Variants in GPAT3 observed in about 807,000 individuals in gnomAD.
The protein encoded by GPAT3 is 1-AGP acyltransferase 9.
In GPAT3, 53 loss-of-function variants were observed where a neutral mutation model predicts 58.8. The observed-to-expected ratio is 0.90, with a 90% CI of 0.72 to 1.13. GPAT3 has a LOEUF of 1.13. Ranked by LOEUF, GPAT3 falls within the 50% of genes most tolerant of loss-of-function variation. The probability of loss-of-function intolerance (pLI) is 0.00; values close to 1 mark genes in which losing one functional copy is unlikely to be tolerated. For synonymous variants in GPAT3, 197 were observed against 187.4 expected (o/e 1.05, Z -0.42); for missense variants, 511 against 527.6 (o/e 0.97, Z 0.31).
intron 2 of GPAT3, among the ~76,000 whole-genome samples, chr4:83,575,264 A>G (rs1403514039): frequency 6.6e-6 from 1 of 152,102 alleles, no homozygotes; most frequent in Non-Finnish European, 1.5e-5. Context: ...AGTGTTCCCT[A>G]TATGTTGATT....
chr4:83,570,172 G>A (rs752134840), intron 2 of GPAT3, among the ~76,000 whole-genome samples: 11 of 152,194 alleles, frequency 7.2e-5, no homozygotes, highest in Non-Finnish European at 1.3e-4. Flanking sequence ...TGGAGTCACC[G>A]ACTTGGTTGC....
intron 4 of GPAT3, 96 bp downstream of exon 4, chr4:83,587,425 T>C: frequency 1.1e-6 from 1 of 948,474 alleles, no homozygotes; most frequent in South Asian, 1.7e-5. Context: ...ATGTATTGCA[T>C]TATTATTATT....
At position 83,581,656 on chromosome 4, in the gene GPAT3, G is replaced by GA. The variant is rs1726134043; in HGVS notation, c.305dup (p.Leu104IlefsTer8). The GA allele has an allele frequency of 6.2e-7, 1 of 1,614,052 alleles. No homozygotes were observed. The highest frequency in any genetic ancestry group is 1.3e-5 in the African/African-American group (1 of 74,920). On this transcript the variant is annotated frameshift_variant, in exon 3 of 12. Coordinates refer to ENST00000264409, the MANE Select transcript of GPAT3 (RefSeq NM_032717.5). LOFTEE classifies it high-confidence loss of function. Reference sequence around the variant, plus strand: ...TGTCTGACGTGTTTTATTTCTCCAAGAAGGGATTGGAAGCCATTGTAGAAG... The same window carrying GA: ...TGTCTGACGTGTTTTATTTCTCCAAGAAAGGGATTGGAAGCCATTGTAGAAG...
intron 2 of GPAT3, among the ~76,000 whole-genome samples, chr4:83,563,359 T>G (rs1725251072): frequency 6.6e-6 from 1 of 152,216 alleles, no homozygotes; most frequent in African/African-American, 2.4e-5. Context: ...CCACTCCTGT[T>G]ACTGACTACC....
intron 2 of GPAT3, among the ~76,000 whole-genome samples, chr4:83,562,187 A>ATATTATACATATAATATATATATAT (rs1553944845): frequency 1.1e-4 from 6 of 52,902 alleles, no homozygotes; most frequent in African/African-American, 6.6e-4. Context: ...TATTATATAT[A>ATATTATACATATAATATATATATAT]TATATATATA....
At position 83,579,034 on chromosome 4, in the gene GPAT3, CTTTCTTTCTTTCTTT is replaced by C. The variant is rs1560620968; in HGVS notation, c.209-2527_209-2513del. ...CTTCTTTCCCTTTCTTTCTTTCTTTCTTTCTTTCTTTCTTTCTTTCTTTCTTTCTTTCTTTCTTTC... is the reference window on the plus strand; with the variant it reads ...CTTCTTTCCCTTTCTTTCTTTCTTTCCTTTCTTTCTTTCTTTCTTTCTTTC... On this transcript the variant is annotated intron_variant, in intron 2 of 11. Coordinates refer to ENST00000264409, the MANE Select transcript of GPAT3 (RefSeq NM_032717.5). Among the ~76,000 whole-genome samples the C allele has an allele frequency of 5.9e-3, 148 of 25,262 alleles. 14 individuals carry two copies. The highest frequency in any genetic ancestry group is 0.024 in the African/African-American group (140 of 5,718). 16.6% of individuals were successfully genotyped at this position (25,262 alleles called of 152,430 possible). A position where few individuals can be genotyped will look rare whatever the true frequency, so the allele number is the denominator to read the frequency against.
At chr4:83,536,803 C>G in intron 1 of GPAT3, 40 bp downstream of exon 1, 1 of 1,563,198 alleles carries the variant, frequency 6.4e-7, no homozygotes, top group South Asian at 1.2e-5. Context: ...CACACCGCTG[C>G]GGGCTGAGAA....
intron 3 of GPAT3, among the ~76,000 whole-genome samples, chr4:83,585,759 G>A (rs1726352778): frequency 6.6e-6 from 1 of 151,924 alleles, no homozygotes; most frequent in South Asian, 2.1e-4. Context: ...CCTAATTTTT[G>A]TATTTTTAAT....
intron 11 of GPAT3, among the ~76,000 whole-genome samples, chr4:83,601,624 G>A (rs140059945): frequency 0.015 from 2,313 of 152,252 alleles, 53 homozygotes; most frequent in African/African-American, 0.052. Flanking sequence ...GCGCCATGGC[G>A]CACACCTGTA....
At chr4:83,550,801 A>G (rs1019706992) in intron 2 of GPAT3, among the ~76,000 whole-genome samples, 7 of 152,186 alleles carry the variant, frequency 4.6e-5, no homozygotes, top group Non-Finnish European at 1.0e-4. Context: ...TGGAAATATG[A>G]AAGTTTTTTG....
chr4:83,536,219 C>T lies in GPAT3; in HGVS notation c.-404C>T. On this transcript the variant is annotated 5_prime_UTR_variant, in exon 1 of 12. Transcript: ENST00000264409. ...GGGGAGGGCCTCCGTGAGTCATCTG[C>T]TGAGTTGTCGCAATCGCCACCCAGA... The T allele has an allele frequency of 1.0e-6, 1 of 993,826 alleles. No individual in the cohort carries two copies. The highest frequency in any genetic ancestry group is 1.2e-6 in the Non-Finnish European group (1 of 835,554). The allele number at this position is 993,826 out of a possible 1,614,324, so 61.6% of individuals were successfully genotyped here.
chr4:83,568,043 G>A (rs751076027), intron 2 of GPAT3, among the ~76,000 whole-genome samples: 7 of 151,124 alleles, frequency 4.6e-5, no homozygotes, highest in Non-Finnish European at 1.0e-4. Flanking sequence ...TTTTTTCTTT[G>A]CACATTTTTA....
At chr4:83,544,005 T>A (rs1305094126) in intron 1 of GPAT3, among the ~76,000 whole-genome samples, 1 of 152,208 alleles carries the variant, frequency 6.6e-6, no homozygotes, top group East Asian at 1.9e-4. Flanking sequence ...GCAAGCTTAT[T>A]TCTGATGCAT....
At position 83,579,130 on chromosome 4, in the gene GPAT3, T is replaced by TTCCTTCCTTCCTTCCTTC. The variant is rs1560621650; in HGVS notation, c.209-2432_209-2431insTCCTTCCTTCCTTCCTTC. Among the ~76,000 whole-genome samples, 13 of 77,074 alleles carry TTCCTTCCTTCCTTCCTTC rather than the reference T, an allele frequency of 1.7e-4. 1 individual carries two copies. The highest frequency in any genetic ancestry group is 3.4e-4 in the African/African-American group (8 of 23,414). The allele number at this position is 77,074 out of a possible 152,430, so 50.6% of individuals were successfully genotyped here. A position where few individuals can be genotyped will look rare whatever the true frequency, so the allele number is the denominator to read the frequency against. ...TCCTTCCTTCCTTCCTTCCTTCCTT[T>TTCCTTCCTTCCTTCCTTC]CTTTCTCCCTCCCTCCCTCTCTCTC... On this transcript the variant is annotated intron_variant, in intron 2 of 11. Coordinates refer to ENST00000264409, the MANE Select transcript of GPAT3 (RefSeq NM_032717.5).
chr4:83,536,281 C>T lies in GPAT3; in HGVS notation c.-342C>T, dbSNP rs1440335912. Reference sequence around the variant, plus strand: ...ACCGGGCGGGGCGGGTTCCTGGCTGCGCTCGCGCGCTCTGCCCGCGCCGCG... The same window carrying T: ...ACCGGGCGGGGCGGGTTCCTGGCTGTGCTCGCGCGCTCTGCCCGCGCCGCG... On this transcript the variant is annotated 5_prime_UTR_variant, in exon 1 of 12. Coordinates refer to ENST00000264409, the MANE Select transcript of GPAT3 (RefSeq NM_032717.5). 4.8e-6 allele frequency: 5 copies of T among 1,044,062 alleles called. No homozygotes were observed. Among genetic ancestry groups the T allele is most frequent in the East Asian group, 7.8e-5 (1 of 12,880 alleles). The allele number at this position is 1,044,062 out of a possible 1,614,324, so 64.7% of individuals were successfully genotyped here.
intron 1 of GPAT3, among the ~76,000 whole-genome samples, chr4:83,539,359 C>G (rs1724213175): frequency 6.6e-6 from 1 of 152,148 alleles, no homozygotes; most frequent in South Asian, 2.1e-4. Context: ...TCTTTGGGCT[C>G]TGATCATAAT....
At chr4:83,597,298 G>T in intron 8 of GPAT3, 132 bp from the exon 9 acceptor site, 1 of 530,606 alleles carries the variant, frequency 1.9e-6, no homozygotes, top group Non-Finnish European at 3.2e-6. Context: ...GGGTTCGTTT[G>T]TGATATGGTA....
intron 2 of GPAT3, among the ~76,000 whole-genome samples, chr4:83,568,558 A>G (rs1578178055): frequency 6.8e-6 from 1 of 147,078 alleles, no homozygotes; most frequent in South Asian, 2.1e-4. Context: ...CCCAGGCTGG[A>G]GTGCTGTGGC....
intron 1 of GPAT3, among the ~76,000 whole-genome samples, chr4:83,541,924 G>A (rs1724318957): frequency 6.6e-6 from 1 of 152,134 alleles, no homozygotes; most frequent in African/African-American, 2.4e-5. Context: ...GCATGTCCAA[G>A]TTTCCTCTTC....
Sources: gnomAD v4.1 joint callset for allele counts (sites outside exome capture counted in the v4.1 genomes callset) on GRCh38, gnomAD v4.1.1 for gene constraint, MANE v1.5 for transcripts, NCBI Gene and HGNC (gene_info 2026-07-23, HGNC 2026-07-21) for gene names.